CDC14A: variants seen among roughly 807,000 people sequenced by gnomAD.
The protein encoded by CDC14A is dual specificity protein phosphatase CDC14A.
In CDC14A, 53 loss-of-function variants were observed where a neutral mutation model predicts 74.4. The ratio of observed to expected loss-of-function variants is 0.71; its 90% CI spans 0.57 to 0.89. The LOEUF (loss-of-function observed/expected upper bound fraction) is 0.89, where lower values mean the gene tolerates loss of function less well. CDC14A is among the 40% of genes least tolerant of loss of function. The pLI is 0.00. For synonymous variants in CDC14A, 247 were observed against 258.4 expected (o/e 0.96, Z 0.43); for missense variants, 646 against 713.7 (o/e 0.91, Z 1.08).
chr1:100,484,596 C>A, intron 11 of CDC14A, 145 bp downstream of exon 11: 1 of 1,252,008 alleles, frequency 8.0e-7, no homozygotes, highest in Non-Finnish European at 1.0e-6. Flanking sequence ...GTCTATATAG[C>A]AAGAAGCAGA....
Position 100,462,777 on chromosome 1 carries a change from A to G in CDC14A, c.734A>G (p.Tyr245Cys), listed in dbSNP as rs1388291752. Residue 245 changes from tyrosine to cysteine, a missense_variant, in exon 9 of 16, where the codon TAT becomes TGT. Physicochemically the swap from Tyr to Cys is radical, Grantham distance 194. Coordinates refer to ENST00000336454, the MANE Select transcript of CDC14A (RefSeq NM_003672.4). ...KRFTDAGFEH[Y>C]DLFFIDGSTP... is the part of the protein sequence containing the mutation. ...TTCACAGACGCTGGCTTCGAGCACT[A>G]TGACCTCTTCTTCATAGATGGCAGC... 6.2e-7 allele frequency: 1 copy of G among 1,614,140 alleles called. No homozygotes were observed. The highest frequency in any genetic ancestry group is 8.5e-7 in the Non-Finnish European group (1 of 1,180,000).
At chr1:100,489,233 A>G (rs1466681101) in intron 11 of CDC14A, among the ~76,000 whole-genome samples, 3 of 152,182 alleles carry the variant, frequency 2.0e-5, no homozygotes, top group Admixed American at 2.0e-4. Context: ...TTCCTAGCCA[A>G]TTTATTAAAA....
intron 2 of CDC14A, among the ~76,000 whole-genome samples, chr1:100,367,494 T>C (rs1311350148): frequency 6.6e-6 from 1 of 152,162 alleles, no homozygotes; most frequent in Non-Finnish European, 1.5e-5. Flanking sequence ...TCAATGATCT[T>C]GACATTTAAA....
intron 5 of CDC14A, among the ~76,000 whole-genome samples, chr1:100,432,347 G>A (rs1436251992): frequency 6.6e-6 from 1 of 152,204 alleles, no homozygotes; most frequent in African/African-American, 2.4e-5. Context: ...AGTATTTTGG[G>A]CATTGTCTAG....
intron 8 of CDC14A, among the ~76,000 whole-genome samples, chr1:100,459,112 C>CAGAGAGAG (rs1557781940): frequency 5.9e-4 from 87 of 147,898 alleles, no homozygotes; most frequent in African/African-American, 2.2e-3. Context: ...CACACACACA[C>CAGAGAGAG]ACACACACAC....
chr1:100,492,859 T>C (rs1670848135), intron 11 of CDC14A, among the ~76,000 whole-genome samples: 1 of 148,558 alleles, frequency 6.7e-6, no homozygotes, highest in African/African-American at 2.6e-5. Flanking sequence ...TGTGTGTGTG[T>C]GTGTATGTGT....
At chr1:100,486,886 C>G (rs1053552523) in intron 11 of CDC14A, among the ~76,000 whole-genome samples, 43 of 152,160 alleles carry the variant, frequency 2.8e-4, no homozygotes, top group African/African-American at 9.4e-4. Context: ...CTTACAAGCA[C>G]TTTTCTTTCC....
chr1:100,427,181 G>A lies in CDC14A; in HGVS notation c.389+2880G>A, dbSNP rs3767829. ...ATGAAATTACACTTTTGTCTTCATT[G>A]TCTAGATTTTTTCAACTGCTGATAT... On this transcript the variant is annotated intron_variant, in intron 5 of 15. Coordinates refer to ENST00000336454, the MANE Select transcript of CDC14A (RefSeq NM_003672.4). 6.6e-5 allele frequency among the ~76,000 whole-genome samples: 10 copies of A among 152,044 alleles called. No individual in the cohort carries two copies. The East Asian group carries it at 1.9e-3, about 29-fold the overall frequency.
intron 9 of CDC14A, among the ~76,000 whole-genome samples, chr1:100,467,282 A>G (rs1335418784): frequency 3.3e-5 from 5 of 152,198 alleles, no homozygotes; most frequent in Non-Finnish European, 5.9e-5. Flanking sequence ...AGATAAGAGA[A>G]GACTACCTTT....
At chr1:100,459,424 C>T (rs918004505) in intron 8 of CDC14A, among the ~76,000 whole-genome samples, 3 of 152,092 alleles carry the variant, frequency 2.0e-5, no homozygotes, top group African/African-American at 7.3e-5. Flanking sequence ...ACATAATAGG[C>T]GTTTATTAGA....
chr1:100,358,389 G>T (rs890960932), intron 2 of CDC14A, among the ~76,000 whole-genome samples: 1 of 152,334 alleles, frequency 6.6e-6, no homozygotes, highest in African/African-American at 2.4e-5. Context: ...CCCTCCTAGT[G>T]GTGGTCATGG....
At chr1:100,355,339 G>T (rs1242896243) in intron 2 of CDC14A, among the ~76,000 whole-genome samples, 7 of 152,164 alleles carry the variant, frequency 4.6e-5, no homozygotes, top group Admixed American at 4.6e-4. Flanking sequence ...ATATGTCATT[G>T]AATGAGCTCT....
At chr1:100,379,464 A>G (rs942978272) in intron 3 of CDC14A, among the ~76,000 whole-genome samples, 1 of 152,338 alleles carries the variant, frequency 6.6e-6, no homozygotes, top group South Asian at 2.1e-4. Context: ...CCAAATGTTG[A>G]TAAGTCATGA....
chr1:100,372,204 GGA>G (rs1430301858), intron 2 of CDC14A, among the ~76,000 whole-genome samples: 12 of 152,202 alleles, frequency 7.9e-5, no homozygotes, highest in African/African-American at 2.9e-4. Context: ...TCTTGCTGGT[GGA>G]GGGCCCTGCC....
At chr1:100,443,054 C>T in intron 7 of CDC14A, 58 bp downstream of exon 7, 6 of 1,140,144 alleles carry the variant, frequency 5.3e-6, no homozygotes, top group Non-Finnish European at 7.9e-6. Flanking sequence ...ATTTTTTCCC[C>T]CTGTCACACT....
chr1:100,372,559 A>G (rs1401759570), intron 2 of CDC14A, among the ~76,000 whole-genome samples: 1 of 152,234 alleles, frequency 6.6e-6, no homozygotes, highest in Non-Finnish European at 1.5e-5. Flanking sequence ...AAAAGGTGTG[A>G]GCATGATAAA....
At chr1:100,387,067 CAA>C (rs1656985176) in intron 3 of CDC14A, among the ~76,000 whole-genome samples, 1 of 151,502 alleles carries the variant, frequency 6.6e-6, no homozygotes, top group Non-Finnish European at 1.5e-5. Flanking sequence ...AAACAACGGA[CAA>C]AATATTTTGT....
intron 4 of CDC14A, among the ~76,000 whole-genome samples, chr1:100,415,790 T>C (rs1438757276): frequency 6.6e-6 from 1 of 152,238 alleles, no homozygotes; most frequent in East Asian, 1.9e-4. Context: ...CATATGTGAT[T>C]AACATTGAAT....
chr1:100,484,636 A>AT, intron 11 of CDC14A, 185 bp downstream of exon 11: 5 of 1,192,126 alleles, frequency 4.2e-6, no homozygotes, highest in Non-Finnish European at 5.2e-6. Flanking sequence ...TTAAAAAAAA[A>AT]AAAGCTATAA....
Sources: allele counts gnomAD v4.1 joint callset (sites outside exome capture counted in the v4.1 genomes callset), GRCh38; gene constraint gnomAD v4.1.1; transcripts MANE v1.5; gene names NCBI Gene and HGNC (gene_info 2026-07-23, HGNC 2026-07-21).